Variants in ZNF385D observed in about 807,000 individuals in gnomAD.
The protein encoded by ZNF385D is zinc finger protein 659.
In ZNF385D, 15 loss-of-function variants were observed where a neutral mutation model predicts 35.8. The ratio of observed to expected loss-of-function variants is 0.42; its 90% CI spans 0.28 to 0.64. The LOEUF (loss-of-function observed/expected upper bound fraction) is 0.64, where lower values mean the gene tolerates loss of function less well. Among genes scored for constraint, ZNF385D ranks in the 30% least tolerant of loss-of-function variants. The probability of loss-of-function intolerance (pLI) is 0.23; values close to 1 mark genes in which losing one functional copy is unlikely to be tolerated. For synonymous variants in ZNF385D, 212 were observed against 186.8 expected (o/e 1.13, Z -1.10); for missense variants, 474 against 494.6 (o/e 0.96, Z 0.39).
intron 1 of ZNF385D, among the ~76,000 whole-genome samples, chr3:21,668,048 C>T (rs1303032200): frequency 1.3e-5 from 2 of 152,102 alleles, no homozygotes; most frequent in Non-Finnish European, 2.9e-5. Context: ...GGACATGTGT[C>T]TACATATTTT....
chr3:22,029,291 T>G (rs1014477367), intron 3 of ZNF385D, among the ~76,000 whole-genome samples: 5 of 151,980 alleles, frequency 3.3e-5, no homozygotes, highest in African/African-American at 1.2e-4. Context: ...TAAGGAAGAG[T>G]ATGCATGGAA....
At position 21,743,250 on chromosome 3, in the gene ZNF385D, G is replaced by A. The variant is rs73822042; in HGVS notation, c.22+7645C>T. 6.1e-3 allele frequency among the ~76,000 whole-genome samples: 936 copies of A among 152,306 alleles called. 15 individuals carry two copies. The highest frequency in any genetic ancestry group is 0.022 in the African/African-American group (895 of 41,564). On this transcript the variant is annotated intron_variant, in intron 1 of 7. Coordinates refer to ENST00000281523, the MANE Select transcript of ZNF385D (RefSeq NM_024697.3). ...GGTCACTGTAAATATCAAAGAGATC[G>A]TAGCACAGCTAATTTGGACTTTTTT... is the stretch of plus-strand genomic sequence containing the variant.
intron 3 of ZNF385D, among the ~76,000 whole-genome samples, chr3:22,046,854 ATTCAT>A (rs1699034337): frequency 6.6e-6 from 1 of 152,170 alleles, no homozygotes; most frequent in African/African-American, 2.4e-5. Context: ...TAAATGTGGA[ATTCAT>A]TTCATCAACT....
intron 2 of ZNF385D, among the ~76,000 whole-genome samples, chr3:22,351,853 A>T (rs1322980539): frequency 6.6e-6 from 1 of 152,174 alleles, no homozygotes. Context: ...AGGTTGAGTG[A>T]GAGATTTAAG....
chr3:22,177,202 AT>A (rs907978652), intron 2 of ZNF385D, among the ~76,000 whole-genome samples: 3 of 152,190 alleles, frequency 2.0e-5, no homozygotes, highest in Non-Finnish European at 2.9e-5. Flanking sequence ...CTCAGACCAG[AT>A]TTTTTTAAAG....
At chr3:22,282,314 G>A (rs527983012) in intron 2 of ZNF385D, among the ~76,000 whole-genome samples, 15 of 152,042 alleles carry the variant, frequency 9.9e-5, no homozygotes, top group Admixed American at 9.2e-4. Flanking sequence ...TCCTTGAAAT[G>A]TGACCTTAGA....
intron 3 of ZNF385D, among the ~76,000 whole-genome samples, chr3:22,118,306 T>A (rs1576349608): frequency 6.6e-6 from 1 of 152,164 alleles, no homozygotes; most frequent in Admixed American, 6.6e-5. Flanking sequence ...CTCCAAACCA[T>A]AAATTGTTTT....
intron 3 of ZNF385D, among the ~76,000 whole-genome samples, chr3:22,019,365 A>G (rs556674215): frequency 1.3e-5 from 2 of 151,912 alleles, no homozygotes; most frequent in South Asian, 2.1e-4. Context: ...ATTCATTCAC[A>G]TAGATTTCAG....
At chr3:21,765,935 AT>A (rs2070811922) in intron 3 of ZNF385D, among the ~76,000 whole-genome samples, 1 of 152,056 alleles carries the variant, frequency 6.6e-6, no homozygotes, top group Non-Finnish European at 1.5e-5. Context: ...CCTTTAATTA[AT>A]TGGAAGGGAT....
intron 3 of ZNF385D, among the ~76,000 whole-genome samples, chr3:22,007,232 G>C (rs983756142): frequency 1.3e-5 from 2 of 151,836 alleles, no homozygotes; most frequent in Non-Finnish European, 2.9e-5. Context: ...ATTTTCTTTT[G>C]TAAAAATAAG....
intron 4 of ZNF385D, among the ~76,000 whole-genome samples, chr3:21,445,213 C>T (rs1702085048): frequency 6.6e-6 from 1 of 152,170 alleles, no homozygotes; most frequent in Admixed American, 6.5e-5. Flanking sequence ...TATATTCTCT[C>T]TAGACAATGG....
chr3:21,849,906 C>A (rs1466957192), intron 3 of ZNF385D, among the ~76,000 whole-genome samples: 1 of 151,872 alleles, frequency 6.6e-6, no homozygotes, highest in Admixed American at 6.6e-5. Flanking sequence ...CCACATCCAG[C>A]AAATTTTTAA....
chr3:21,645,763 A>G (rs1432754111), intron 2 of ZNF385D, among the ~76,000 whole-genome samples: 1 of 152,154 alleles, frequency 6.6e-6, no homozygotes, highest in Non-Finnish European at 1.5e-5. Context: ...AACTGGACAA[A>G]GGTAGTATGA....
At chr3:22,368,928 G>C (rs1696780973) in intron 2 of ZNF385D, among the ~76,000 whole-genome samples, 2 of 152,170 alleles carry the variant, frequency 1.3e-5, no homozygotes, top group Admixed American at 1.3e-4. Flanking sequence ...GATCTCCCGT[G>C]TGTCATCTAC....
At chr3:21,603,182 CTT>C (rs2064368411) in intron 2 of ZNF385D, among the ~76,000 whole-genome samples, 1 of 152,124 alleles carries the variant, frequency 6.6e-6, no homozygotes, top group Non-Finnish European at 1.5e-5. Flanking sequence ...AATGGCCTCT[CTT>C]AAAGAGGTAT....
chr3:22,099,432 G>A (rs1576317830), intron 3 of ZNF385D, among the ~76,000 whole-genome samples: 1 of 152,060 alleles, frequency 6.6e-6, no homozygotes, highest in Admixed American at 6.6e-5. Flanking sequence ...TGTAGTGACA[G>A]CGGTCAATTG....
chr3:21,990,969 T>C (rs1420141158), intron 3 of ZNF385D, among the ~76,000 whole-genome samples: 1 of 152,334 alleles, frequency 6.6e-6, no homozygotes, highest in East Asian at 1.9e-4. Context: ...ATACCAACAG[T>C]GCACTGTACC....
At chr3:21,679,558 TCC>T (rs751726378) in intron 1 of ZNF385D, among the ~76,000 whole-genome samples, 89 of 152,046 alleles carry the variant, frequency 5.9e-4, no homozygotes, top group Non-Finnish European at 8.7e-4. Flanking sequence ...TGAAAGCTAA[TCC>T]AGAGAGAAGA....
intron 2 of ZNF385D, among the ~76,000 whole-genome samples, chr3:22,209,969 C>T (rs1047153240): frequency 6.6e-6 from 1 of 151,740 alleles, no homozygotes; most frequent in African/African-American, 2.4e-5. Context: ...TTGAAAACTT[C>T]TTTATTCAAA....
Sources: allele counts gnomAD v4.1 joint callset (sites outside exome capture counted in the v4.1 genomes callset), GRCh38; gene constraint gnomAD v4.1.1; transcripts MANE v1.5; gene names NCBI Gene and HGNC (gene_info 2026-07-23, HGNC 2026-07-21).